Variants in CSMD1 observed in about 807,000 individuals in gnomAD.
CSMD1 encodes the protein CUB and Sushi multiple domains 1, also known as CUB and sushi domain-containing protein 1.
In CSMD1, 213 loss-of-function variants were observed where a neutral mutation model predicts 417.5. The observed-to-expected ratio is 0.51, with a 90% CI of 0.46 to 0.57. CSMD1 has a LOEUF of 0.57. Ranked by LOEUF, CSMD1 falls within the 20% of genes least tolerant of loss-of-function variation. The pLI, the probability that CSMD1 is intolerant of heterozygous loss-of-function variation, is 0.00. For synonymous variants in CSMD1, 2,862 were observed against 1,736.8 expected (o/e 1.65, Z -16.11); for missense variants, 6,923 against 4,529.7 (o/e 1.53, Z -15.17).
Position 3,708,428 on chromosome 8 carries a change from T to G in CSMD1, c.995A>C (p.His332Pro), listed in dbSNP as rs371767824. 4.3e-6 allele frequency: 7 copies of G among 1,613,922 alleles called. No homozygotes were observed. Among genetic ancestry groups the G allele is most frequent in the Non-Finnish European group, 5.9e-6 (7 of 1,179,814 alleles). The stretch of plus-strand genomic sequence containing the variant: ...AAGGGACTCACAGACAGAGTTTTTA[T>G]GGCTTCCATCCTTGCTGGGCAGCAT... ...VKMLPSKDGS[H>P]KNSVLSQGGV... The change falls in exon 7 of 70, where the codon CAT becomes CCT. Residue 332 changes from histidine to proline, a missense_variant. Physicochemically the swap from His to Pro is moderately conservative, Grantham distance 77. Coordinates refer to ENST00000635120, the MANE Select transcript of CSMD1 (RefSeq NM_033225.6).
intron 1 of CSMD1, among the ~76,000 whole-genome samples, chr8:4,815,782 T>C (rs979727495): frequency 6.6e-6 from 1 of 150,900 alleles, no homozygotes; most frequent in South Asian, 2.1e-4. Flanking sequence ...ATTTTACAGA[T>C]ATTAGTAATT....
intron 1 of CSMD1, among the ~76,000 whole-genome samples, chr8:4,808,450 A>G (rs921683956): frequency 1.3e-5 from 2 of 152,204 alleles, no homozygotes; most frequent in Non-Finnish European, 2.9e-5. Context: ...AAGCTCTTGT[A>G]ACTTACTTGA....
intron 10 of CSMD1, among the ~76,000 whole-genome samples, chr8:3,568,528 G>A (rs890215621): frequency 1.3e-5 from 2 of 152,134 alleles, no homozygotes; most frequent in East Asian, 1.9e-4. Flanking sequence ...TATTGCACAA[G>A]AAGCTCAAAT....
intron 62 of CSMD1, among the ~76,000 whole-genome samples, chr8:2,959,796 C>G (rs937136104): frequency 6.6e-6 from 1 of 152,124 alleles, no homozygotes; most frequent in African/African-American, 2.4e-5. Context: ...ACTTTAAAAA[C>G]TAAAATGTTC....
chr8:3,030,287 T>C (rs1585186790), intron 50 of CSMD1, among the ~76,000 whole-genome samples: 1 of 151,968 alleles, frequency 6.6e-6, no homozygotes, highest in South Asian at 2.1e-4. Flanking sequence ...TGCAAGATGA[T>C]TTAAAATACA....
At chr8:4,632,296 T>C (rs1418278817) in intron 2 of CSMD1, among the ~76,000 whole-genome samples, 2 of 152,238 alleles carry the variant, frequency 1.3e-5, no homozygotes, top group African/African-American at 4.8e-5. Flanking sequence ...GCAGATCACC[T>C]GAGGTCAGGA....
intron 8 of CSMD1, among the ~76,000 whole-genome samples, chr8:3,601,548 A>C (rs1801361590): frequency 6.6e-6 from 1 of 152,186 alleles, no homozygotes. Flanking sequence ...GGCACTTATA[A>C]AAGGTCTAAC....
At chr8:4,441,719 G>A (rs926293563) in intron 2 of CSMD1, among the ~76,000 whole-genome samples, 1 of 152,068 alleles carries the variant, frequency 6.6e-6, no homozygotes, top group East Asian at 1.9e-4. Flanking sequence ...TGAGGTACAG[G>A]AGATAAATGA....
At chr8:3,782,672 T>A (rs140788198) in intron 5 of CSMD1, among the ~76,000 whole-genome samples, 25 of 152,228 alleles carry the variant, frequency 1.6e-4, no homozygotes, top group African/African-American at 5.3e-4. Flanking sequence ...ATTCTCAGAG[T>A]CAACAATGTT....
At chr8:3,717,325 G>T (rs905744072) in intron 6 of CSMD1, among the ~76,000 whole-genome samples, 1 of 152,072 alleles carries the variant, frequency 6.6e-6, no homozygotes, top group Non-Finnish European at 1.5e-5. Context: ...TATGTCAGTT[G>T]TTTAAATATG....
intron 3 of CSMD1, among the ~76,000 whole-genome samples, chr8:4,374,425 T>G (rs1335207385): frequency 6.6e-6 from 1 of 151,994 alleles, no homozygotes; most frequent in Non-Finnish European, 1.5e-5. Context: ...TGAAAAAACT[T>G]TTTGTAGAAG....
intron 51 of CSMD1, among the ~76,000 whole-genome samples, chr8:3,028,849 C>T (rs1206018281): frequency 6.6e-6 from 1 of 152,040 alleles, no homozygotes; most frequent in African/African-American, 2.4e-5. Context: ...TCTATTTCAC[C>T]ATATTTAATG....
intron 3 of CSMD1, among the ~76,000 whole-genome samples, chr8:4,351,142 G>A (rs1353939676): frequency 1.3e-5 from 2 of 150,954 alleles, no homozygotes; most frequent in Admixed American, 6.6e-5. Context: ...AACATAGCAA[G>A]GTCCCATCTC....
At chr8:4,120,296 T>C (rs1314389090) in intron 3 of CSMD1, among the ~76,000 whole-genome samples, 1 of 152,240 alleles carries the variant, frequency 6.6e-6, no homozygotes, top group Non-Finnish European at 1.5e-5. Context: ...TTATTATATA[T>C]ACTTCAGTGT....
chr8:3,668,440 G>T (rs952208639), intron 7 of CSMD1, among the ~76,000 whole-genome samples: 2 of 152,168 alleles, frequency 1.3e-5, no homozygotes, highest in East Asian at 1.9e-4. Context: ...CTGAAGAGAT[G>T]AGGGTTTATT....
chr8:4,185,456 C>T (rs547376225), intron 3 of CSMD1, among the ~76,000 whole-genome samples: 2 of 152,194 alleles, frequency 1.3e-5, no homozygotes, highest in Admixed American at 6.5e-5. Flanking sequence ...TTAAAAACAG[C>T]ATACACCATA....
At chr8:3,696,060 A>G (rs1800535019) in intron 7 of CSMD1, among the ~76,000 whole-genome samples, 1 of 151,786 alleles carries the variant, frequency 6.6e-6, no homozygotes, top group Non-Finnish European at 1.5e-5. Flanking sequence ...AGCTGTTAAG[A>G]TTTTCTTATG....
intron 33 of CSMD1, among the ~76,000 whole-genome samples, chr8:3,197,706 C>A (rs55827946): frequency 0.021 from 3,236 of 152,028 alleles, 92 homozygotes; most frequent in African/African-American, 0.073. Flanking sequence ...CCTCGTGATC[C>A]GCCCGCCTCG....
At chr8:3,728,995 C>T (rs751062413) in intron 6 of CSMD1, among the ~76,000 whole-genome samples, 4 of 152,178 alleles carry the variant, frequency 2.6e-5, no homozygotes, top group Non-Finnish European at 5.9e-5. Context: ...GAGTGTGATG[C>T]TACTGTCCTC....
Sources: allele counts gnomAD v4.1 joint callset (sites outside exome capture counted in the v4.1 genomes callset), GRCh38; gene constraint gnomAD v4.1.1; transcripts MANE v1.5; gene names NCBI Gene and HGNC (gene_info 2026-07-23, HGNC 2026-07-21).